Variants in FSIP1 observed in about 807,000 individuals in gnomAD.
FSIP1 encodes the protein fibrous sheath interacting protein 1.
Under a neutral mutation model 60.9 loss-of-function variants are expected in FSIP1, and 65 were observed. The ratio of observed to expected loss-of-function variants is 1.07; its 90% CI spans 0.87 to 1.31. The LOEUF (loss-of-function observed/expected upper bound fraction) is 1.31, where lower values mean the gene tolerates loss of function less well. Among genes scored for constraint, FSIP1 ranks in the 40% most tolerant of loss-of-function variants. The pLI is 0.00. For synonymous variants in FSIP1, 209 were observed against 221.2 expected, an observed-to-expected ratio of 0.94 and a Z score of 0.49; for missense variants, 675 against 665.5, an observed-to-expected ratio of 1.01 and a Z score of -0.16.
intron 5 of FSIP1, among the ~76,000 whole-genome samples, chr15:39,762,377 T>A (rs1376939312): frequency 6.6e-6 from 1 of 152,220 alleles, no homozygotes; most frequent in African/African-American, 2.4e-5. Context: ...ACAGCCTTCT[T>A]CCCTGTGGCT....
intron 9 of FSIP1, among the ~76,000 whole-genome samples, chr15:39,722,620 G>A (rs1896026599): frequency 6.8e-6 from 1 of 147,046 alleles, no homozygotes; most frequent in South Asian, 2.1e-4. Context: ...CCTTGGATAT[G>A]CTCTCTCTCT....
chr15:39,634,602 T>C (rs1308227588), intron 10 of FSIP1, among the ~76,000 whole-genome samples: 1 of 152,256 alleles, frequency 6.6e-6, no homozygotes, highest in African/African-American at 2.4e-5. Flanking sequence ...AATTTCATTT[T>C]TTGGCCAAGA....
At chr15:39,761,184 A>G (rs1897484687) in intron 5 of FSIP1, among the ~76,000 whole-genome samples, 1 of 152,160 alleles carries the variant, frequency 6.6e-6, no homozygotes, top group South Asian at 2.1e-4. Context: ...AAAACTAAAA[A>G]TAGAATTACC....
At chr15:39,740,572 A>C (rs1449899347) in intron 6 of FSIP1, among the ~76,000 whole-genome samples, 1 of 152,172 alleles carries the variant, frequency 6.6e-6, no homozygotes, top group Non-Finnish European at 1.5e-5. Context: ...CACCCTACAA[A>C]ACAGGATGCA....
chr15:39,766,023 A>G (rs1897673402), intron 3 of FSIP1, among the ~76,000 whole-genome samples: 1 of 152,212 alleles, frequency 6.6e-6, no homozygotes, highest in Non-Finnish European at 1.5e-5. Context: ...TGGACTCAGA[A>G]GTGATCCTCG....
intron 10 of FSIP1, among the ~76,000 whole-genome samples, chr15:39,707,131 C>A (rs1895305139): frequency 6.6e-6 from 1 of 152,150 alleles, no homozygotes; most frequent in Admixed American, 6.5e-5. Flanking sequence ...ACTGCAATCA[C>A]CCAACCTCTC....
At chr15:39,671,317 T>C (rs1893711053) in intron 10 of FSIP1, among the ~76,000 whole-genome samples, 1 of 152,202 alleles carries the variant, frequency 6.6e-6, no homozygotes, top group African/African-American at 2.4e-5. Flanking sequence ...GAAAATTTTA[T>C]TATTTTATCC....
chr15:39,676,768 G>A (rs972875402), intron 10 of FSIP1, among the ~76,000 whole-genome samples: 3 of 152,316 alleles, frequency 2.0e-5, no homozygotes, highest in South Asian at 2.1e-4. Flanking sequence ...TATTAAGGAA[G>A]TACATAGCAG....
At chr15:39,608,581 A>C (rs1264451768) in intron 11 of FSIP1, among the ~76,000 whole-genome samples, 1 of 152,246 alleles carries the variant, frequency 6.6e-6, no homozygotes. Flanking sequence ...CTTCAATTTC[A>C]GAGTAGAACA....
At chr15:39,722,185 T>C (rs887236857) in intron 9 of FSIP1, among the ~76,000 whole-genome samples, 2 of 152,030 alleles carry the variant, frequency 1.3e-5, no homozygotes, top group African/African-American at 4.8e-5. Flanking sequence ...ATGCAAGGGA[T>C]CTAGGTTGCA....
At chr15:39,667,321 T>C (rs916271012) in intron 10 of FSIP1, among the ~76,000 whole-genome samples, 1 of 152,118 alleles carries the variant, frequency 6.6e-6, no homozygotes, top group Non-Finnish European at 1.5e-5. Context: ...AAAAAAGAAT[T>C]TAAGTGTAGA....
Position 39,765,581 on chromosome 15 carries a change from A to G in FSIP1, c.465+11T>C. On this transcript the variant is annotated intron_variant, in intron 4 of 11. Transcript: ENST00000350221. ...TTCTTACATGTCAGCATAAGGTTAG[A>G]TAATTCTTACCTTAATTTCTTCCCA... 1 of 1,568,494 alleles carries G rather than the reference A, an allele frequency of 6.4e-7. No homozygotes were observed. The highest frequency in any genetic ancestry group is 1.2e-5 in the South Asian group (1 of 83,056).
intron 10 of FSIP1, among the ~76,000 whole-genome samples, chr15:39,631,804 C>T (rs1463156214): frequency 2.0e-5 from 3 of 152,194 alleles, no homozygotes; most frequent in African/African-American, 7.2e-5. Flanking sequence ...GAAAGCCTCA[C>T]AAACATGGCA....
intron 10 of FSIP1, among the ~76,000 whole-genome samples, chr15:39,672,788 A>G (rs954464567): frequency 2.0e-5 from 3 of 152,216 alleles, no homozygotes; most frequent in Non-Finnish European, 4.4e-5. Context: ...TTCATTCCAA[A>G]TGTTCATAAT....
At chr15:39,673,812 T>C (rs1893816828) in intron 10 of FSIP1, among the ~76,000 whole-genome samples, 1 of 152,096 alleles carries the variant, frequency 6.6e-6, no homozygotes, top group South Asian at 2.1e-4. Flanking sequence ...CTGCATTAAC[T>C]GCTATCATGA....
At position 39,600,152 on chromosome 15, in the gene FSIP1, AT is replaced by A. The variant is rs1326595670; in HGVS notation, c.*727del. On this transcript the variant is annotated 3_prime_UTR_variant, in exon 12 of 12. Coordinates refer to ENST00000350221, the MANE Select transcript of FSIP1 (RefSeq NM_152597.5). ...TCATCTTATGGAATGTCAACACAAA[AT>A]TTTCTCATGAATCTAAGTTACTGAC... The A allele has an allele frequency of 6.6e-6, 1 of 152,174 alleles. No individual in the cohort carries two copies. Among genetic ancestry groups the A allele is most frequent in the Non-Finnish European group, 1.5e-5 (1 of 68,018 alleles). The allele number at this position is 152,174 out of a possible 1,614,324, so 9.4% of individuals were successfully genotyped here. A position where few individuals can be genotyped will look rare whatever the true frequency, so the allele number is the denominator to read the frequency against.
chr15:39,772,560 G>T (rs1340694816), intron 2 of FSIP1, among the ~76,000 whole-genome samples: 7 of 151,746 alleles, frequency 4.6e-5, no homozygotes, highest in Middle Eastern at 3.4e-3. Flanking sequence ...CTCCCAAAGT[G>T]CTGAGATTAC....
At chr15:39,729,105 A>C (rs1337075633) in intron 8 of FSIP1, among the ~76,000 whole-genome samples, 1 of 152,242 alleles carries the variant, frequency 6.6e-6, no homozygotes, top group Non-Finnish European at 1.5e-5. Context: ...GATACTGGCA[A>C]AGCTGCAGAG....
At chr15:39,782,028 C>T (rs187484301) in intron 1 of FSIP1, among the ~76,000 whole-genome samples, 12 of 152,308 alleles carry the variant, frequency 7.9e-5, no homozygotes, top group Admixed American at 2.6e-4. Flanking sequence ...GCTCATACAT[C>T]CATAAAATAT....
Sources: gnomAD v4.1 joint callset for allele counts (sites outside exome capture counted in the v4.1 genomes callset) on GRCh38, gnomAD v4.1.1 for gene constraint, MANE v1.5 for transcripts, NCBI Gene and HGNC (gene_info 2026-07-23, HGNC 2026-07-21) for gene names.